Variants in CDH13 observed in about 807,000 individuals in gnomAD.
CDH13 encodes cadherin-13.
In CDH13, 24 loss-of-function variants were observed where a neutral mutation model predicts 63.8. The observed-to-expected ratio is 0.38, with a 90% CI of 0.27 to 0.53. The LOEUF (loss-of-function observed/expected upper bound fraction) is 0.53, where lower values mean the gene tolerates loss of function less well. Ranked by LOEUF, CDH13 falls within the 20% of genes least tolerant of loss-of-function variation. CDH13 has a pLI of 0.85. For missense variants in CDH13, 1,049 were observed against 903.1 expected (o/e 1.16, Z -2.07); for synonymous variants, 503 against 355.3 (o/e 1.42, Z -4.67).
At chr16:83,090,480 G>A (rs748098051) in intron 3 of CDH13, among the ~76,000 whole-genome samples, 14 of 151,710 alleles carry the variant, frequency 9.2e-5, no homozygotes, top group Middle Eastern at 3.2e-3. Flanking sequence ...AGGCTGAGGC[G>A]GGAGAATCGC....
chr16:83,172,846 C>T (rs914962076), intron 4 of CDH13, among the ~76,000 whole-genome samples: 2 of 152,090 alleles, frequency 1.3e-5, no homozygotes, highest in African/African-American at 4.8e-5. Flanking sequence ...ATCGTTTCAT[C>T]AGAGGATTTG....
At chr16:83,022,482 G>T (rs1470463380) in intron 2 of CDH13, among the ~76,000 whole-genome samples, 3 of 152,200 alleles carry the variant, frequency 2.0e-5, no homozygotes, top group African/African-American at 7.2e-5. Flanking sequence ...AGGCACATTG[G>T]TACCTTGAAA....
At chr16:83,035,928 C>T (rs1050207424) in intron 3 of CDH13, among the ~76,000 whole-genome samples, 2 of 152,174 alleles carry the variant, frequency 1.3e-5, no homozygotes, top group African/African-American at 4.8e-5. Flanking sequence ...GTAATACTTA[C>T]TATGTGCTAA....
intron 3 of CDH13, among the ~76,000 whole-genome samples, chr16:83,059,235 A>G (rs976024071): frequency 6.6e-6 from 1 of 152,214 alleles, no homozygotes; most frequent in Non-Finnish European, 1.5e-5. Flanking sequence ...TCTCAGAGTC[A>G]TCCACCTGAA....
At chr16:82,940,643 CTAA>C (rs2151307981) in intron 2 of CDH13, among the ~76,000 whole-genome samples, 1 of 152,324 alleles carries the variant, frequency 6.6e-6, no homozygotes, top group Non-Finnish European at 1.5e-5. Flanking sequence ...TTGTAGAAAA[CTAA>C]TCAGCGTCTA....
Position 82,777,339 on chromosome 16 carries a change from G to C in CDH13, c.46-81023G>C, listed in dbSNP as rs923728959. 4.6e-5 allele frequency among the ~76,000 whole-genome samples: 7 copies of C among 152,216 alleles called. No individual in the cohort carries two copies. The East Asian group carries it at 1.3e-3, about 29-fold the overall frequency. On this transcript the variant is annotated intron_variant, in intron 1 of 13. Coordinates refer to ENST00000567109, the MANE Select transcript of CDH13 (RefSeq NM_001257.5). Reference sequence around the variant, plus strand: ...AGAAGGTGAGACTTGATGTGAGTCAGATAGTGAATATGCTATAGAAAACTA... The same window carrying C: ...AGAAGGTGAGACTTGATGTGAGTCACATAGTGAATATGCTATAGAAAACTA...
chr16:83,024,321 T>G (rs1915606875), intron 2 of CDH13, among the ~76,000 whole-genome samples: 1 of 152,208 alleles, frequency 6.6e-6, no homozygotes, highest in Admixed American at 6.5e-5. Context: ...TCAACAGGTA[T>G]TATAAATACT....
chr16:83,363,132 A>T (rs16960303), intron 6 of CDH13, among the ~76,000 whole-genome samples: 2 of 152,052 alleles, frequency 1.3e-5, no homozygotes, highest in African/African-American at 2.4e-5. Flanking sequence ...CTTTTAAAGT[A>T]TCAATCAGAG....
rs539738856 is a variant in CDH13 at position 82,779,711 on chromosome 16, T to A, written c.46-78651T>A. ...CACCAGAACCAGATTGTTGGAGTTGTTTCAACAGAGGAATGCAGAGCTTAA... is the reference window on the plus strand; with the variant it reads ...CACCAGAACCAGATTGTTGGAGTTGATTCAACAGAGGAATGCAGAGCTTAA... On this transcript the variant is annotated intron_variant, in intron 1 of 13. Transcript: ENST00000567109. Among the ~76,000 whole-genome samples, 32 of 152,304 alleles carry A rather than the reference T, an allele frequency of 2.1e-4. No homozygotes were observed. The South Asian group carries it at 3.9e-3, about 19-fold the overall frequency.
intron 5 of CDH13, among the ~76,000 whole-genome samples, chr16:83,322,254 C>G (rs1218792550): frequency 6.6e-6 from 1 of 152,060 alleles, no homozygotes. Context: ...GCAGCACTTG[C>G]TACCCTCCAA....
intron 2 of CDH13, among the ~76,000 whole-genome samples, chr16:82,999,798 C>G (rs1403066305): frequency 6.6e-6 from 1 of 152,154 alleles, no homozygotes; most frequent in Non-Finnish European, 1.5e-5. Flanking sequence ...CTGTCCTCAT[C>G]AATAAGATGA....
At chr16:83,237,815 A>G (rs1419131768) in intron 5 of CDH13, among the ~76,000 whole-genome samples, 1 of 152,246 alleles carries the variant, frequency 6.6e-6, no homozygotes. Context: ...GGTATAGCAT[A>G]TGAAGTACGT....
chr16:82,700,798 A>T (rs1277431943), intron 1 of CDH13, among the ~76,000 whole-genome samples: 1 of 151,982 alleles, frequency 6.6e-6, no homozygotes, highest in Non-Finnish European at 1.5e-5. Flanking sequence ...TTCTGGTATG[A>T]CTTCCCAATA....
intron 4 of CDH13, among the ~76,000 whole-genome samples, chr16:83,147,438 T>C (rs1178064248): frequency 1.3e-5 from 2 of 152,186 alleles, no homozygotes; most frequent in Non-Finnish European, 2.9e-5. Context: ...GGGCTCCCTA[T>C]GACGTAAATT....
intron 1 of CDH13, among the ~76,000 whole-genome samples, chr16:82,628,858 CG>C (rs1567570234): frequency 6.6e-6 from 1 of 152,018 alleles, no homozygotes; most frequent in African/African-American, 2.4e-5. Flanking sequence ...GGTACCAACC[CG>C]GGCAAGTTGT....
At chr16:83,106,640 C>G (rs1435531549) in intron 3 of CDH13, among the ~76,000 whole-genome samples, 1 of 152,176 alleles carries the variant, frequency 6.6e-6, no homozygotes, top group Non-Finnish European at 1.5e-5. Flanking sequence ...TGTGCCGCAA[C>G]TAAAATTATG....
At position 83,339,797 on chromosome 16, in the gene CDH13, G is replaced by A. The variant is rs146824168; in HGVS notation, c.637-5065G>A. ...CCCATGATCAGCCAAGCTTTCCACC[G>A]TGTGAGCAGGAAACCACTAGCACTA... is the stretch of plus-strand genomic sequence containing the variant. On this transcript the variant is annotated intron_variant, in intron 5 of 13. Coordinates refer to ENST00000567109, the MANE Select transcript of CDH13 (RefSeq NM_001257.5). Among the ~76,000 whole-genome samples, 37 of 152,248 alleles carry A rather than the reference G, an allele frequency of 2.4e-4. No individual in the cohort carries two copies. The South Asian group carries it at 5.4e-3, about 22-fold the overall frequency.
intron 6 of CDH13, among the ~76,000 whole-genome samples, chr16:83,363,105 C>G (rs566740089): frequency 6.6e-6 from 1 of 152,212 alleles, no homozygotes; most frequent in Non-Finnish European, 1.5e-5. Context: ...AACCAGGAAT[C>G]TAGAGATGAC....
intron 3 of CDH13, among the ~76,000 whole-genome samples, chr16:83,057,433 C>A (rs1348391418): frequency 6.6e-6 from 1 of 152,094 alleles, no homozygotes; most frequent in African/African-American, 2.4e-5. Flanking sequence ...AAAAATTCAC[C>A]AAACTGTACA....
Sources: allele counts gnomAD v4.1 joint callset (sites outside exome capture counted in the v4.1 genomes callset), GRCh38; gene constraint gnomAD v4.1.1; transcripts MANE v1.5; gene names NCBI Gene and HGNC (gene_info 2026-07-23, HGNC 2026-07-21).